IGF1R: variants seen among roughly 807,000 people sequenced by gnomAD.
IGF1R encodes insulin-like growth factor 1 receptor.
A neutral mutation model predicts 144.6 loss-of-function variants in IGF1R; 44 were observed. The observed-to-expected ratio is 0.30, with a 90% CI of 0.24 to 0.39. IGF1R has a LOEUF of 0.39. Among genes scored for constraint, IGF1R ranks in the 10% least tolerant of loss-of-function variants. The pLI, the probability that IGF1R is intolerant of heterozygous loss-of-function variation, is 1.00. For missense variants in IGF1R, 1,355 were observed against 1,833.7 expected (o/e 0.74, Z 4.77); for synonymous variants, 795 against 722.8 (o/e 1.10, Z -1.60).
intron 5 of IGF1R, among the ~76,000 whole-genome samples, chr15:98,907,820 G>A (rs913398386): frequency 2.6e-5 from 4 of 152,208 alleles, no homozygotes; most frequent in Non-Finnish European, 4.4e-5. Context: ...CGTCTGGTTT[G>A]GTGGGCTTTG....
intron 2 of IGF1R, among the ~76,000 whole-genome samples, chr15:98,850,709 G>C (rs747526707): frequency 6.6e-6 from 1 of 152,120 alleles, no homozygotes; most frequent in Admixed American, 6.5e-5. Context: ...TGTGTACAGG[G>C]AATCACTGAG....
intron 1 of IGF1R, among the ~76,000 whole-genome samples, chr15:98,692,117 C>G (rs986505288): frequency 2.6e-5 from 4 of 152,130 alleles, no homozygotes; most frequent in Non-Finnish European, 4.4e-5. Context: ...GGGCAGATCA[C>G]TTGAGCTCAG....
rs1047315775 is a variant in IGF1R at position 98,963,762 on chromosome 15, C to T, written c.*6320C>T. On this transcript the variant is annotated 3_prime_UTR_variant, in exon 21 of 21. Transcript: ENST00000650285. ...AGAAGAGACCCTATTTTATTTAAGG[C>T]AGAACCCCGAAGATACGTATTTCCA... is the stretch of plus-strand genomic sequence containing the variant. The T allele has an allele frequency of 2.1e-5, 5 of 232,952 alleles. No individual in the cohort carries two copies. Among genetic ancestry groups the T allele is most frequent in the Admixed American group, 1.1e-4 (2 of 17,774 alleles). The allele number at this position is 232,952 out of a possible 1,614,324, so 14.4% of individuals were successfully genotyped here.
rs114949727 is a variant in IGF1R at position 98,735,564 on chromosome 15, C to G, written c.640+27457C>G. On this transcript the variant is annotated intron_variant, in intron 2 of 20. Coordinates refer to ENST00000650285, the MANE Select transcript of IGF1R (RefSeq NM_000875.5). Reference sequence around the variant, plus strand: ...TTCCAGAGAAAGATGCTCTGATGTGCCAGCCCAGGCCATGAGGTTCCCGGC... The same window carrying G: ...TTCCAGAGAAAGATGCTCTGATGTGGCAGCCCAGGCCATGAGGTTCCCGGC... Among the ~76,000 whole-genome samples, 513 of 152,306 alleles carry G rather than the reference C, an allele frequency of 3.4e-3. 4 individuals carry two copies. The highest frequency in any genetic ancestry group is 0.011 in the African/African-American group (476 of 41,574).
At chr15:98,664,439 C>T (rs976694619) in intron 1 of IGF1R, among the ~76,000 whole-genome samples, 2 of 152,038 alleles carry the variant, frequency 1.3e-5, no homozygotes, top group Admixed American at 6.5e-5. Context: ...CCGAGGTGAG[C>T]GGATCACCTG....
intron 2 of IGF1R, among the ~76,000 whole-genome samples, chr15:98,730,893 C>T (rs1053741869): frequency 6.6e-6 from 1 of 151,938 alleles, no homozygotes; most frequent in Admixed American, 6.6e-5. Flanking sequence ...TCATTGTAGT[C>T]ACCGATGAAT....
At chr15:98,796,230 G>A (rs2056238252) in intron 2 of IGF1R, among the ~76,000 whole-genome samples, 1 of 152,108 alleles carries the variant, frequency 6.6e-6, no homozygotes. Context: ...TAGACTGTGT[G>A]TGTCTCAGAG....
chr15:98,658,717 C>T (rs1186929116), intron 1 of IGF1R, among the ~76,000 whole-genome samples: 2 of 152,086 alleles, frequency 1.3e-5, no homozygotes, highest in African/African-American at 4.8e-5. Context: ...TGGGATTTCC[C>T]TAACTTGTAT....
At chr15:98,807,018 T>A (rs2056486665) in intron 2 of IGF1R, among the ~76,000 whole-genome samples, 1 of 151,760 alleles carries the variant, frequency 6.6e-6, no homozygotes, top group African/African-American at 2.4e-5. Context: ...GAAAAGAAAA[T>A]TGGAGAATTT....
chr15:98,745,277 T>G (rs1450629729), intron 2 of IGF1R, among the ~76,000 whole-genome samples: 1 of 152,246 alleles, frequency 6.6e-6, no homozygotes, highest in African/African-American at 2.4e-5. Flanking sequence ...ATGCCTTTAT[T>G]ATAAAATGAC....
intron 8 of IGF1R, among the ~76,000 whole-genome samples, chr15:98,914,264 G>A (rs1271575244): frequency 6.6e-6 from 1 of 152,232 alleles, no homozygotes; most frequent in Admixed American, 6.5e-5. Flanking sequence ...TGACATGTGA[G>A]TTTTGGTAGG....
chr15:98,963,750 T>C lies in IGF1R; in HGVS notation c.*6308T>C, dbSNP rs78894779. The C allele has an allele frequency of 6.4e-3, 1,486 of 233,150 alleles. 5 individuals are homozygous for C. The highest frequency in any genetic ancestry group is 0.01 in the Non-Finnish European group (1,187 of 117,942). The allele number at this position is 233,150 out of a possible 1,614,324, so 14.4% of individuals were successfully genotyped here. On this transcript the variant is annotated 3_prime_UTR_variant, in exon 21 of 21. Transcript: ENST00000650285. ...TTGTTAGAACACAGAAGAGACCCTA[T>C]TTTATTTAAGGCAGAACCCCGAAGA...
intron 2 of IGF1R, among the ~76,000 whole-genome samples, chr15:98,835,211 A>G (rs895136000): frequency 6.7e-6 from 1 of 150,254 alleles, no homozygotes; most frequent in Non-Finnish European, 1.5e-5. Flanking sequence ...TCCCACACAG[A>G]CCTACACCCA....
intron 2 of IGF1R, among the ~76,000 whole-genome samples, chr15:98,714,814 A>T (rs28641640): frequency 6.6e-6 from 1 of 150,564 alleles, no homozygotes; most frequent in Non-Finnish European, 1.5e-5. Context: ...TCATCTTAAC[A>T]TTTTTTTTTT....
At chr15:98,699,404 G>C (rs796878127) in intron 1 of IGF1R, among the ~76,000 whole-genome samples, 4 of 152,328 alleles carry the variant, frequency 2.6e-5, no homozygotes, top group African/African-American at 9.6e-5. Context: ...AATTAGAAAG[G>C]CTTAGAGGCT....
intron 2 of IGF1R, among the ~76,000 whole-genome samples, chr15:98,755,462 T>G (rs1210249368): frequency 6.6e-6 from 1 of 152,072 alleles, no homozygotes; most frequent in Admixed American, 6.6e-5. Flanking sequence ...TATTGCTGGC[T>G]GGGCATGGTG....
chr15:98,854,935 A>G (rs1596362795), intron 2 of IGF1R, among the ~76,000 whole-genome samples: 1 of 139,094 alleles, frequency 7.2e-6, no homozygotes. Context: ...CACTCCCTCC[A>G]CCCCTGCCCC....
intron 20 of IGF1R, chr15:98,954,221 C>T (rs1030314295): frequency 4.6e-5 from 7 of 152,052 alleles, no homozygotes; most frequent in African/African-American, 1.2e-4. Context: ...CCCTGCTGAC[C>T]GTCACCCAGC....
At chr15:98,765,448 A>G (rs2055414309) in intron 2 of IGF1R, among the ~76,000 whole-genome samples, 1 of 150,044 alleles carries the variant, frequency 6.7e-6, no homozygotes, top group African/African-American at 2.5e-5. Context: ...AGCTGGGGCC[A>G]CAGGTGTGAG....
Sources: allele counts gnomAD v4.1 joint callset (sites outside exome capture counted in the v4.1 genomes callset), GRCh38; gene constraint gnomAD v4.1.1; transcripts MANE v1.5; gene names NCBI Gene and HGNC (gene_info 2026-07-23, HGNC 2026-07-21).